The following ETS1 variants were observed in gnomAD, a reference collection of about 807,000 sequenced individuals.
The protein encoded by ETS1 is ETS proto-oncogene 1, transcription factor, also known as protein C-ets-1.
Under a neutral mutation model 58.6 loss-of-function variants are expected in ETS1, and 15 were observed. That is an observed-to-expected ratio of 0.26 (90% CI 0.17 to 0.39). The LOEUF is 0.39. Among genes scored for constraint, ETS1 ranks in the 10% least tolerant of loss-of-function variants. The pLI is 1.00. For synonymous variants in ETS1, 214 were observed against 218.2 expected, an observed-to-expected ratio of 0.98 and a Z score of 0.17; for missense variants, 417 against 610.5, an observed-to-expected ratio of 0.68 and a Z score of 3.34.
At position 128,549,807 on chromosome 11, in the gene ETS1, T is replaced by C. The variant is rs1400617872; in HGVS notation, c.214+6484A>G. On this transcript the variant is annotated intron_variant, in intron 3 of 9. Coordinates refer to ENST00000392668, the MANE Select transcript of ETS1 (RefSeq NM_001143820.2). The surrounding 1 kb of genome is among the most constrained non-coding windows in gnomAD (Gnocchi z 4.3). The stretch of plus-strand genomic sequence containing the variant: ...TGGGGTCTCTGGTCTCTAACCTGGG[T>C]GTGCAGCTCTTTCTGGCCCTCACCA... Among the ~76,000 whole-genome samples, 3 of 152,162 alleles carry C rather than the reference T, an allele frequency of 2.0e-5. No homozygotes were observed. Among genetic ancestry groups the C allele is most frequent in the African/African-American group, 7.2e-5 (3 of 41,444 alleles).
intron 3 of ETS1, among the ~76,000 whole-genome samples, chr11:128,508,633 G>T (rs184234685): frequency 1.3e-5 from 2 of 152,264 alleles, no homozygotes; most frequent in African/African-American, 2.4e-5. Context: ...GAGAAATAGG[G>T]TTTATCTAAA....
intron 3 of ETS1, among the ~76,000 whole-genome samples, chr11:128,555,907 T>A (rs1001056155): frequency 6.6e-6 from 1 of 152,190 alleles, no homozygotes; most frequent in Non-Finnish European, 1.5e-5. Flanking sequence ...AAACAGATGA[T>A]CATCGAAAGA....
intron 3 of ETS1, among the ~76,000 whole-genome samples, chr11:128,516,233 G>C (rs11601061): frequency 6.6e-6 from 1 of 152,092 alleles, no homozygotes; most frequent in African/African-American, 2.4e-5. Flanking sequence ...TCATCAACCC[G>C]ACAGAAAAAA....
intron 3 of ETS1, among the ~76,000 whole-genome samples, chr11:128,512,196 T>A (rs1296053331): frequency 6.6e-6 from 1 of 152,204 alleles, no homozygotes. Context: ...AGTTTCTTCA[T>A]CTATGAAATG....
In ETS1 at chr11:128,565,029, CAAAT is replaced by C. The variant is rs6144562; in HGVS notation, c.69+8029_69+8032del. Among the ~76,000 whole-genome samples, 42 of 144,584 alleles carry C rather than the reference CAAAT, an allele frequency of 2.9e-4. 1 individual carries two copies. The highest frequency in any genetic ancestry group is 8.9e-4 in the Admixed American group (13 of 14,612). The allele number at this position is 144,584 out of a possible 152,430, so 94.9% of individuals were successfully genotyped here. A position where few individuals can be genotyped will look rare whatever the true frequency, so the allele number is the denominator to read the frequency against. On this transcript the variant is annotated intron_variant, in intron 2 of 9. Transcript: ENST00000392668. ...TAAGTTCTTACATATCACCAAATAT[CAAAT>C]AAATAAATAAATAAATAAATAAATA...
chr11:128,501,669 A>G (rs1402623321), intron 3 of ETS1, among the ~76,000 whole-genome samples: 1 of 152,206 alleles, frequency 6.6e-6, no homozygotes, highest in Non-Finnish European at 1.5e-5. Context: ...ATAACATAAC[A>G]TCAGAGACCA....
intron 3 of ETS1, among the ~76,000 whole-genome samples, chr11:128,545,905 G>T (rs1864126018): frequency 6.6e-6 from 1 of 152,184 alleles, no homozygotes; most frequent in Admixed American, 6.5e-5. Context: ...GTATTGATGA[G>T]ATGTCCAAAT....
intron 3 of ETS1, among the ~76,000 whole-genome samples, chr11:128,540,736 C>T (rs1237214380): frequency 5.3e-5 from 8 of 152,150 alleles, no homozygotes; most frequent in Admixed American, 3.9e-4. Flanking sequence ...GCTTTATAAA[C>T]AGCAAGGAGC....
intron 1 of ETS1, among the ~76,000 whole-genome samples, chr11:128,581,898 T>C (rs935316318): frequency 6.6e-6 from 1 of 152,196 alleles, no homozygotes; most frequent in Non-Finnish European, 1.5e-5. Flanking sequence ...GGGGACTGGA[T>C]AGTTGCAATA....
At chr11:128,492,687 T>C (rs1238727478) in intron 3 of ETS1, among the ~76,000 whole-genome samples, 3 of 152,184 alleles carry the variant, frequency 2.0e-5, no homozygotes, top group Admixed American at 2.0e-4. Context: ...AATCATCAAA[T>C]GAGTCACTAA....
At chr11:128,585,184 AAGAAGGAAGG>A (rs1864994366) in intron 1 of ETS1, among the ~76,000 whole-genome samples, 1 of 51,280 alleles carries the variant, frequency 2.0e-5, no homozygotes, top group African/African-American at 1.0e-4. Flanking sequence ...GAAAGAAAGA[AAGAAGGAAGG>A]AAAGAAAGAA....
Position 128,485,076 on chromosome 11 carries a change from A to G in ETS1, c.614-5T>C, listed in dbSNP as rs1862590741. ...GGGCATGCTCAATACCATAGCCTGG[A>G]AACAAAGGGTTTGCAAGTAAAGAGA... On this transcript the variant is annotated splice_region_variant and splice_polypyrimidine_tract_variant and intron_variant, in intron 6 of 9. Coordinates refer to ENST00000392668, the MANE Select transcript of ETS1 (RefSeq NM_001143820.2). The G allele has an allele frequency of 6.2e-7, 1 of 1,607,476 alleles. No individual in the cohort carries two copies. The highest frequency in any genetic ancestry group is 1.1e-5 in the South Asian group (1 of 90,702).
intron 8 of ETS1, among the ~76,000 whole-genome samples, chr11:128,470,335 T>G (rs1301765279): frequency 6.6e-6 from 1 of 152,204 alleles, no homozygotes; most frequent in Non-Finnish European, 1.5e-5. Context: ...ATGATGCCTG[T>G]GGGAAAGCCC....
At chr11:128,543,210 A>T (rs1275103593) in intron 3 of ETS1, among the ~76,000 whole-genome samples, 2 of 151,738 alleles carry the variant, frequency 1.3e-5, no homozygotes, top group East Asian at 3.9e-4. Flanking sequence ...AAAAAAAAAA[A>T]TTATTTAAAG....
chr11:128,522,011 G>C (rs774317339), intron 3 of ETS1: 16 of 1,579,180 alleles, frequency 1.0e-5, no homozygotes, highest in Non-Finnish European at 1.7e-6. Flanking sequence ...AGGAGTGGGG[G>C]ACGTACGGGA....
At chr11:128,565,060 A>AT (rs1864469701) in intron 2 of ETS1, among the ~76,000 whole-genome samples, 1 of 143,460 alleles carries the variant, frequency 7.0e-6, no homozygotes, top group Non-Finnish European at 1.6e-5. Context: ...AAATAAATAA[A>AT]ATAAATGTGT....
intron 3 of ETS1, among the ~76,000 whole-genome samples, chr11:128,516,380 A>G (rs1210947792): frequency 1.3e-5 from 2 of 152,224 alleles, no homozygotes; most frequent in Admixed American, 6.5e-5. Flanking sequence ...GCAAACATAG[A>G]GGCAAATGCT....
chr11:128,577,733 G>A (rs142546688), intron 1 of ETS1, among the ~76,000 whole-genome samples: 49 of 152,234 alleles, frequency 3.2e-4, no homozygotes, highest in African/African-American at 1.1e-3. Flanking sequence ...GTTACCCAGC[G>A]TCCAAATCAT....
chr11:128,497,701 T>G (rs763845044), intron 3 of ETS1: 1 of 395,646 alleles, frequency 2.5e-6, no homozygotes, highest in Non-Finnish European at 3.4e-6. Flanking sequence ...ATTGCAGGCA[T>G]GTTCCCAAAT....
Sources: gnomAD v4.1 joint callset for allele counts (sites outside exome capture counted in the v4.1 genomes callset) on GRCh38, gnomAD v4.1.1 for gene constraint, Gnocchi (gnomAD v3.1) non-coding constraint, MANE v1.5 for transcripts, NCBI Gene and HGNC (gene_info 2026-07-23, HGNC 2026-07-21) for gene names.